Variants in CNTN4 observed in about 807,000 individuals in gnomAD.
CNTN4 encodes the protein contactin-4.
In CNTN4, 77 loss-of-function variants were observed where a neutral mutation model predicts 122.5. The observed-to-expected ratio is 0.63, with a 90% confidence interval of 0.52 to 0.76. CNTN4 has a LOEUF of 0.76. Ranked by LOEUF, CNTN4 falls within the 30% of genes least tolerant of loss-of-function variation. The pLI is 0.00. For missense variants in CNTN4, 1,256 were observed against 1,259.1 expected, an observed-to-expected ratio of 1.00 and a Z score of 0.04; for synonymous variants, 512 against 447.0, an observed-to-expected ratio of 1.15 and a Z score of -1.83.
chr3:2,338,616 AT>A (rs1188787684), intron 2 of CNTN4, among the ~76,000 whole-genome samples: 2 of 150,858 alleles, frequency 1.3e-5, no homozygotes, highest in East Asian at 3.9e-4. Flanking sequence ...TTATATATAT[AT>A]TTATAGGGAA....
At chr3:2,993,333 T>A (rs1041486540) in intron 14 of CNTN4, among the ~76,000 whole-genome samples, 25 of 151,516 alleles carry the variant, frequency 1.6e-4, no homozygotes, top group African/African-American at 5.6e-4. Flanking sequence ...GTTTCCCTGT[T>A]GTTGCCCAGG....
intron 2 of CNTN4, among the ~76,000 whole-genome samples, chr3:2,101,718 C>G (rs1012157034): frequency 6.6e-6 from 1 of 152,000 alleles, no homozygotes; most frequent in African/African-American, 2.4e-5. Context: ...TATTTATAAA[C>G]TGAAGACATG....
At chr3:2,138,713 T>C (rs2034833239) in intron 2 of CNTN4, among the ~76,000 whole-genome samples, 1 of 152,190 alleles carries the variant, frequency 6.6e-6, no homozygotes, top group Non-Finnish European at 1.5e-5. Context: ...TTTATACCAT[T>C]TCCTGGTTAT....
intron 2 of CNTN4, among the ~76,000 whole-genome samples, chr3:2,112,013 C>T (rs2032998331): frequency 6.6e-6 from 1 of 152,050 alleles, no homozygotes; most frequent in East Asian, 1.9e-4. Flanking sequence ...TGTGTGGAGA[C>T]AGAGGAAGGC....
intron 3 of CNTN4, among the ~76,000 whole-genome samples, chr3:2,435,714 G>A (rs924852536): frequency 6.6e-6 from 1 of 152,166 alleles, no homozygotes; most frequent in African/African-American, 2.4e-5. Context: ...TACAAGGGAT[G>A]TTCCTCTATT....
chr3:2,109,632 C>CAA (rs1310843464), intron 2 of CNTN4, among the ~76,000 whole-genome samples: 1 of 152,114 alleles, frequency 6.6e-6, no homozygotes, highest in Non-Finnish European at 1.5e-5. Context: ...TCAAACAAAA[C>CAA]AATGATATGA....
intron 3 of CNTN4, among the ~76,000 whole-genome samples, chr3:2,566,601 G>A (rs1203089795): frequency 6.6e-6 from 1 of 152,088 alleles, no homozygotes; most frequent in African/African-American, 2.4e-5. Flanking sequence ...AATCTATTTG[G>A]TGGGGGCCAG....
intron 4 of CNTN4, among the ~76,000 whole-genome samples, chr3:2,626,123 T>C (rs989527580): frequency 2.6e-5 from 4 of 152,232 alleles, no homozygotes; most frequent in African/African-American, 7.2e-5. Flanking sequence ...TCCCAGTTGC[T>C]TGCTGGCCTT....
rs2046214813 is a variant in CNTN4, at chr3:2,385,438, A to G, written c.-89+46205A>G. On this transcript the variant is annotated intron_variant, in intron 3 of 24. Transcript: ENST00000418658. This position sits in a 1 kb window ranked among gnomAD's most constrained non-coding sequence, Gnocchi z 4.0. ...GCAATATTCCTGGTGTCTTGTTCAT[A>G]GCAGATGCTTGTATTAGTTTCTTAG... Among the ~76,000 whole-genome samples, 1 of 152,076 alleles carries G rather than the reference A, an allele frequency of 6.6e-6. No homozygotes were observed. Among genetic ancestry groups the G allele is most frequent in the South Asian group, 2.1e-4 (1 of 4,832 alleles).
At chr3:2,564,492 C>T (rs1185974641) in intron 3 of CNTN4, among the ~76,000 whole-genome samples, 1 of 152,124 alleles carries the variant, frequency 6.6e-6, no homozygotes, top group Non-Finnish European at 1.5e-5. Flanking sequence ...GTCTTTACTT[C>T]ATTTAACTAA....
chr3:2,147,548 C>T (rs1253302239), intron 2 of CNTN4, among the ~76,000 whole-genome samples: 1 of 152,010 alleles, frequency 6.6e-6, no homozygotes, highest in African/African-American at 2.4e-5. Flanking sequence ...CATATTTCCC[C>T]CTCTTTCCCG....
chr3:2,433,297 A>C (rs912450557), intron 3 of CNTN4, among the ~76,000 whole-genome samples: 1 of 152,182 alleles, frequency 6.6e-6, no homozygotes, highest in Admixed American at 6.5e-5. Flanking sequence ...CACCTTTGCC[A>C]ACACTTCCTT....
intron 3 of CNTN4, among the ~76,000 whole-genome samples, chr3:2,358,351 C>T (rs866268560): frequency 1.3e-5 from 2 of 152,028 alleles, no homozygotes; most frequent in South Asian, 2.1e-4. Context: ...TATTTAAAAG[C>T]ACTTAACCAG....
intron 4 of CNTN4, among the ~76,000 whole-genome samples, chr3:2,577,505 A>G (rs1020952528): frequency 2.0e-5 from 3 of 152,314 alleles, no homozygotes; most frequent in Admixed American, 6.5e-5. Context: ...AAGTCATTGT[A>G]CCTAAGATTC....
chr3:3,026,064 T>G, intron 14 of CNTN4, 38 bp from the exon 15 acceptor site: 2 of 1,574,490 alleles, frequency 1.3e-6, no homozygotes, highest in Non-Finnish European at 1.7e-6. Flanking sequence ...CTCACAGACT[T>G]TGTTGTTGTT....
intron 7 of CNTN4, among the ~76,000 whole-genome samples, chr3:2,849,535 G>A (rs2093511666): frequency 6.6e-6 from 1 of 152,214 alleles, no homozygotes; most frequent in South Asian, 2.1e-4. Context: ...GCCTTAGTGA[G>A]TCATTGGACC....
At chr3:2,545,063 A>C (rs950702246) in intron 3 of CNTN4, among the ~76,000 whole-genome samples, 9 of 152,008 alleles carry the variant, frequency 5.9e-5, no homozygotes, top group Non-Finnish European at 1.0e-4. Flanking sequence ...AGATTGCGTT[A>C]TGTTGTATCT....
At chr3:2,761,518 A>T (rs865980308) in intron 6 of CNTN4, among the ~76,000 whole-genome samples, 2 of 152,030 alleles carry the variant, frequency 1.3e-5, no homozygotes, top group Middle Eastern at 3.4e-3. Flanking sequence ...GTACATTAAC[A>T]TGTGAATGCT....
intron 4 of CNTN4, among the ~76,000 whole-genome samples, chr3:2,635,049 AACC>A (rs1478986832): frequency 6.6e-6 from 1 of 152,182 alleles, no homozygotes; most frequent in Non-Finnish European, 1.5e-5. Flanking sequence ...GATATCTCGG[AACC>A]ATCTAGGGGA....
Sources: allele counts gnomAD v4.1 joint callset (sites outside exome capture counted in the v4.1 genomes callset), GRCh38; gene constraint gnomAD v4.1.1; non-coding constraint Gnocchi (gnomAD v3.1); transcripts MANE v1.5; gene names NCBI Gene and HGNC (gene_info 2026-07-23, HGNC 2026-07-21).